Variants in ANKS3 observed in about 807,000 individuals in gnomAD.
ANKS3 encodes ankyrin repeat and sterile alpha motif domain containing 3, also known as ankyrin repeat and SAM domain-containing protein 3.
ANKS3 carries 62 observed loss-of-function variants against 80.7 expected under a neutral mutation model. The ratio of observed to expected loss-of-function variants is 0.77; its 90% CI spans 0.63 to 0.95. The LOEUF (loss-of-function observed/expected upper bound fraction) is 0.95. ANKS3 is among the 40% of genes least tolerant of loss of function. The pLI, the probability that ANKS3 is intolerant of heterozygous loss-of-function variation, is 0.00. For synonymous variants in ANKS3, 489 were observed against 355.3 expected (o/e 1.38, Z -4.23); for missense variants, 1,150 against 883.6 (o/e 1.30, Z -3.82).
chr16:4,702,294 C>G, intron 8 of ANKS3, 52 bp from the exon 9 acceptor site: 1 of 1,414,084 alleles, frequency 7.1e-7, no homozygotes, highest in Non-Finnish European at 9.3e-7. Flanking sequence ...GTGAAACCTC[C>G]TCAGAGGCCG....
chr16:4,710,749 T>C (rs1009727658), intron 7 of ANKS3, among the ~76,000 whole-genome samples: 4 of 152,156 alleles, frequency 2.6e-5, no homozygotes, highest in African/African-American at 9.7e-5. Context: ...AAAAAGATAA[T>C]AACAGGAGAA....
intron 7 of ANKS3, among the ~76,000 whole-genome samples, chr16:4,705,483 C>G (rs1030949743): frequency 1.3e-5 from 2 of 152,222 alleles, no homozygotes; most frequent in Non-Finnish European, 2.9e-5. Flanking sequence ...TTTCTTGAGA[C>G]AGAGTCTCAC....
Position 4,701,554 on chromosome 16 carries a change from G to T in ANKS3, c.1010-11C>A, listed in dbSNP as rs1240848045. The T allele has an allele frequency of 6.2e-7, 1 of 1,603,636 alleles. No homozygotes were observed. The highest frequency in any genetic ancestry group is 8.5e-7 in the Non-Finnish European group (1 of 1,174,758). On this transcript the variant is annotated splice_polypyrimidine_tract_variant and intron_variant, in intron 9 of 17. Transcript: ENST00000304283. The stretch of plus-strand genomic sequence containing the variant: ...AGAAAGCATGTTCCTCTGAGGGCGG[G>T]AAGACAGGGCGTCCGCCTGCAGCCC...
intron 3 of ANKS3, among the ~76,000 whole-genome samples, chr16:4,729,056 G>A (rs1006763965): frequency 6.6e-6 from 1 of 152,230 alleles, no homozygotes; most frequent in Non-Finnish European, 1.5e-5. Flanking sequence ...CCAGGAGACA[G>A]AGTTAGGCTG....
chr16:4,709,450 A>G (rs953506470), intron 7 of ANKS3, among the ~76,000 whole-genome samples: 1 of 152,244 alleles, frequency 6.6e-6, no homozygotes, highest in East Asian at 1.9e-4. Context: ...GAGATCCAGC[A>G]ATTCCACTAC....
Position 4,697,102 on chromosome 16 carries a change from G to T in ANKS3, c.1897C>A (p.Gln633Lys), listed in dbSNP as rs754696933. The change falls in exon 17 of 18, where the codon CAA (glutamine) becomes AAA (lysine). Residue 633 changes from glutamine to lysine, a missense_variant and splice_region_variant. Transcript: ENST00000304283. The part of the protein sequence containing the change: ...ALEDRVREMG[Q>K]ALCLVTQSLE... The stretch of plus-strand genomic sequence containing the variant: ...CTCTGGGTCACTAAGCACAGTGCTT[G>T]CCCTGAGGAATGATGACCTTGAGCC... 7.4e-6 allele frequency: 12 copies of T among 1,613,300 alleles called. No individual in the cohort carries two copies. Among genetic ancestry groups the T allele is most frequent in the African/African-American group, 4.0e-5 (3 of 74,922 alleles).
At position 4,701,369 on chromosome 16, in the gene ANKS3, T is replaced by G. The variant is rs979983371; in HGVS notation, c.1119+65A>C. On this transcript the variant is annotated intron_variant, in intron 10 of 17. Transcript: ENST00000304283. ...ACATACATGCTCATCTTAAAGTAAC[T>G]GGGGGATGTCAGGCATCCCAGCCAG... 6 of 1,449,848 alleles carry G rather than the reference T, an allele frequency of 4.1e-6. No individual in the cohort carries two copies. The African/African-American group carries it at 8.5e-5, about 21-fold the overall frequency. The allele number at this position is 1,449,848 out of a possible 1,614,324, so 89.8% of individuals were successfully genotyped here. A position where few individuals can be genotyped will look rare whatever the true frequency, so the allele number is the denominator to read the frequency against.
intron 6 of ANKS3, among the ~76,000 whole-genome samples, chr16:4,720,397 G>A (rs1181074762): frequency 6.7e-6 from 1 of 150,326 alleles, no homozygotes; most frequent in Non-Finnish European, 1.5e-5. Context: ...GGGAGGCAGA[G>A]GTTGCAGTGA....
intron 5 of ANKS3, among the ~76,000 whole-genome samples, chr16:4,725,492 C>G (rs1187397080): frequency 1.3e-5 from 2 of 152,184 alleles, no homozygotes; most frequent in South Asian, 2.1e-4. Context: ...TAATTAGTAG[C>G]ATATTTTTTC....
intron 6 of ANKS3, among the ~76,000 whole-genome samples, chr16:4,718,009 A>T (rs1316575775): frequency 6.6e-6 from 1 of 151,790 alleles, no homozygotes; most frequent in Non-Finnish European, 1.5e-5. Flanking sequence ...TCCTGACCTC[A>T]GGTGATCCAC....
chr16:4,699,811 C>CT (rs1294022785), intron 11 of ANKS3: 1 of 152,698 alleles, frequency 6.5e-6, no homozygotes, highest in African/African-American at 2.4e-5. Flanking sequence ...TCTGACTCTT[C>CT]TGCCTGCTCA....
intron 7 of ANKS3, among the ~76,000 whole-genome samples, chr16:4,710,779 T>C (rs1369953961): frequency 2.0e-5 from 3 of 151,564 alleles, no homozygotes; most frequent in African/African-American, 7.3e-5. Flanking sequence ...TGAAACAGAG[T>C]ATTTTATTTT....
intron 1 of ANKS3, 22 bp downstream of exon 1, chr16:4,733,916 G>A: frequency 2.0e-6 from 2 of 985,466 alleles, no homozygotes; most frequent in South Asian, 9.4e-5. Context: ...GCGGGTCCCT[G>A]GCCGACAAAC....
chr16:4,721,395 G>A (rs950029016), intron 6 of ANKS3, among the ~76,000 whole-genome samples: 3 of 150,760 alleles, frequency 2.0e-5, no homozygotes, highest in African/African-American at 4.9e-5. Flanking sequence ...AACTGCCTGA[G>A]CTCAGGAGTT....
chr16:4,719,726 G>C (rs1417485989), intron 6 of ANKS3, among the ~76,000 whole-genome samples: 2 of 152,100 alleles, frequency 1.3e-5, no homozygotes, highest in Non-Finnish European at 2.9e-5. Context: ...TTCAGCCCAG[G>C]AGGTTGAGAC....
In ANKS3 at chr16:4,698,613, G is replaced by A. The variant is rs1290800725; in HGVS notation, c.1552-14C>T. On this transcript the variant is annotated splice_polypyrimidine_tract_variant and intron_variant, in intron 13 of 17. Transcript: ENST00000304283. ...CTCCTCGCAGCGCTGCAGGGGGGTG[G>A]GGGGCGCGGGGAGGCTGGGAGGTGG... 20 of 1,543,136 alleles carry A rather than the reference G, an allele frequency of 1.3e-5. No individual in the cohort carries two copies. The highest frequency in any genetic ancestry group is 1.7e-5 in the Non-Finnish European group (19 of 1,151,252).
At chr16:4,697,227 C>T (rs758351148) in intron 16 of ANKS3, 106 bp downstream of exon 16, 229 of 1,541,668 alleles carry the variant, frequency 1.5e-4, no homozygotes, top group Non-Finnish European at 1.2e-4. Flanking sequence ...GCCCCGAGGT[C>T]AGCCTTGGGG....
At position 4,727,007 on chromosome 16, in the gene ANKS3, T is replaced by C; in HGVS notation, c.341A>G (p.Asn114Ser). ...TPLMLASSCG[N>S]ESIAYFLLQQ... ...GAGAAGAAAGTAGGCGATGCTCTCG[T>C]TGCCACAGCTGGAGGCCAGCATCAG... The change falls in exon 4 of 18, where the codon AAC becomes AGC. Residue 114 changes from asparagine (N) to serine (S), a missense_variant. Physicochemically the swap from Asn to Ser is conservative, Grantham distance 46 (BLOSUM62 1). Transcript: ENST00000304283. 6.2e-7 allele frequency: 1 copy of C among 1,614,178 alleles called. No homozygotes were observed. The highest frequency in any genetic ancestry group is 8.5e-7 in the Non-Finnish European group (1 of 1,180,044).
rs752570214 is a variant in ANKS3, at chr16:4,727,187, C to T, written c.171-10G>A. 5.6e-5 allele frequency: 91 copies of T among 1,613,516 alleles called. No individual in the cohort carries two copies. Among genetic ancestry groups the T allele is most frequent in the Middle Eastern group, 1.7e-4 (1 of 6,036 alleles). On this transcript the variant is annotated splice_polypyrimidine_tract_variant and intron_variant, in intron 3 of 17. Transcript: ENST00000304283. ...CAAATCTAACTCTCTCCTAAACAAA[C>T]GCAAGATATGCTAGACATGGCCAGC...
Sources: gnomAD v4.1 joint callset for allele counts (sites outside exome capture counted in the v4.1 genomes callset) on GRCh38, gnomAD v4.1.1 for gene constraint, MANE v1.5 for transcripts, NCBI Gene and HGNC (gene_info 2026-07-23, HGNC 2026-07-21) for gene names.